Variants in UQCC1 observed in about 807,000 individuals in gnomAD.
The protein encoded by UQCC1 is bFGF-repressed Zic-binding protein.
UQCC1 carries 38 observed loss-of-function variants against 48.0 expected under a neutral mutation model. The observed-to-expected ratio is 0.79, with a 90% CI of 0.61 to 1.04. UQCC1 has a LOEUF of 1.04. Ranked by LOEUF, UQCC1 falls within the 50% of genes least tolerant of loss-of-function variation. The pLI is 0.00. For synonymous variants in UQCC1, 111 were observed against 129.2 expected, an observed-to-expected ratio of 0.86 and a Z score of 0.95; for missense variants, 368 against 381.8, an observed-to-expected ratio of 0.96 and a Z score of 0.30.
intron 7 of UQCC1, among the ~76,000 whole-genome samples, chr20:35,337,191 CTT>C (rs762321477): frequency 1.5e-4 from 21 of 143,090 alleles, no homozygotes; most frequent in Non-Finnish European, 1.2e-4. Context: ...AGCTAGCATT[CTT>C]TTTTTTTTTT....
intron 1 of UQCC1, among the ~76,000 whole-genome samples, chr20:35,396,237 G>A (rs942853554): frequency 6.7e-6 from 1 of 149,922 alleles, no homozygotes; most frequent in Admixed American, 6.7e-5. Flanking sequence ...TACCTACCTC[G>A]GACTCCCAAA....
chr20:35,317,508 AC>A (rs1184477375), intron 7 of UQCC1, among the ~76,000 whole-genome samples: 1 of 152,174 alleles, frequency 6.6e-6, no homozygotes, highest in Admixed American at 6.5e-5. Flanking sequence ...GCAAACCATG[AC>A]CTATCCCACA....
At chr20:35,384,917 A>G (rs990382261) in intron 2 of UQCC1, among the ~76,000 whole-genome samples, 1 of 149,280 alleles carries the variant, frequency 6.7e-6, no homozygotes, top group Non-Finnish European at 1.5e-5. Flanking sequence ...CAGTGAACCA[A>G]TATCATGCCA....
chr20:35,376,105 C>T (rs2061796079), intron 4 of UQCC1, among the ~76,000 whole-genome samples: 1 of 151,920 alleles, frequency 6.6e-6, no homozygotes, highest in East Asian at 1.9e-4. Context: ...GTCAGGATTT[C>T]GAGACCAGCC....
intron 2 of UQCC1, among the ~76,000 whole-genome samples, chr20:35,390,023 A>G (rs1354044356): frequency 6.6e-6 from 1 of 152,250 alleles, no homozygotes; most frequent in Non-Finnish European, 1.5e-5. Context: ...GTGCTACAAC[A>G]TAGATGAACC....
intron 6 of UQCC1, among the ~76,000 whole-genome samples, chr20:35,363,478 T>C (rs2061631220): frequency 6.6e-6 from 1 of 152,312 alleles, no homozygotes; most frequent in East Asian, 1.9e-4. Context: ...CTCTAGGAGC[T>C]GGAGGGTGTC....
intron 6 of UQCC1, among the ~76,000 whole-genome samples, chr20:35,355,887 T>C (rs2061541628): frequency 1.3e-5 from 2 of 150,242 alleles, no homozygotes. Flanking sequence ...ATACTATCTT[T>C]TTTTTTTTTT....
At chr20:35,380,700 T>G (rs939535685) in intron 4 of UQCC1, among the ~76,000 whole-genome samples, 3 of 152,214 alleles carry the variant, frequency 2.0e-5, no homozygotes, top group African/African-American at 7.2e-5. Context: ...TATGACTGAT[T>G]AGGCTTACCC....
At chr20:35,357,190 G>A (rs1034761643) in intron 6 of UQCC1, among the ~76,000 whole-genome samples, 31 of 152,194 alleles carry the variant, frequency 2.0e-4, no homozygotes, top group African/African-American at 7.5e-4. Context: ...TTCGAGACCA[G>A]CCTGGACAAC....
intron 7 of UQCC1, among the ~76,000 whole-genome samples, chr20:35,324,471 T>G (rs1199999427): frequency 1.3e-5 from 2 of 152,046 alleles, no homozygotes; most frequent in Non-Finnish European, 2.9e-5. Context: ...GGACTACAGG[T>G]GCCCACCACC....
intron 6 of UQCC1, among the ~76,000 whole-genome samples, chr20:35,357,826 TGA>T (rs1408462789): frequency 6.6e-6 from 1 of 152,192 alleles, no homozygotes; most frequent in Admixed American, 6.6e-5. Context: ...ACAATAACGT[TGA>T]GTCATTAAGT....
At chr20:35,313,240 G>A (rs2061013657) in intron 8 of UQCC1, among the ~76,000 whole-genome samples, 1 of 151,814 alleles carries the variant, frequency 6.6e-6, no homozygotes, top group South Asian at 2.1e-4. Flanking sequence ...GCCGGGTGTG[G>A]TGGCAGGCGC....
At chr20:35,410,738 G>C (rs1316594687) in intron 1 of UQCC1, among the ~76,000 whole-genome samples, 12 of 33,444 alleles carry the variant, frequency 3.6e-4, no homozygotes, top group African/African-American at 1.3e-3. Flanking sequence ...AACCCTAAAG[G>C]GTGGCAGGGG....
At chr20:35,386,434 T>A (rs760056700) in intron 2 of UQCC1, 1 of 438,732 alleles carries the variant, frequency 2.3e-6, no homozygotes, top group South Asian at 1.6e-5. Flanking sequence ...ATGTTACTAT[T>A]TACTTTTCTT....
chr20:35,394,969 C>T (rs1282302756), intron 1 of UQCC1, among the ~76,000 whole-genome samples: 1 of 152,180 alleles, frequency 6.6e-6, no homozygotes, highest in East Asian at 1.9e-4. Context: ...CGGGGAGGCA[C>T]TTCACTTACT....
At chr20:35,377,284 A>G (rs943432744) in intron 4 of UQCC1, among the ~76,000 whole-genome samples, 4 of 152,366 alleles carry the variant, frequency 2.6e-5, no homozygotes, top group South Asian at 4.1e-4. Flanking sequence ...CAAATCAATC[A>G]GTTTCACCAT....
intron 7 of UQCC1, among the ~76,000 whole-genome samples, chr20:35,322,371 G>T (rs1464060397): frequency 2.0e-5 from 3 of 152,018 alleles, no homozygotes; most frequent in Admixed American, 1.3e-4. Context: ...CCACAACCCT[G>T]CCCTCGAGGA....
chr20:35,396,284 C>CT (rs34830667), intron 1 of UQCC1, among the ~76,000 whole-genome samples: 45,528 of 94,288 alleles, frequency 0.48, 12,725 homozygotes, highest in East Asian at 0.67. Flanking sequence ...TGTGCCTGGC[C>CT]TTTTTTTTTT....
Position 35,384,621 on chromosome 20 carries a change from G to A in UQCC1, c.130-488C>T, listed in dbSNP as rs115141703. 1,191 of 444,700 alleles carry A rather than the reference G, an allele frequency of 2.7e-3. 17 individuals carry two copies. Among genetic ancestry groups the A allele is most frequent in the African/African-American group, 0.023 (1,063 of 47,020 alleles). 27.5% of individuals were successfully genotyped at this position (444,700 alleles called of 1,614,324 possible). On this transcript the variant is annotated intron_variant, in intron 2 of 9. Coordinates refer to ENST00000374385, the MANE Select transcript of UQCC1 (RefSeq NM_018244.5). ...CACACCACTGCACTTCAACCTGGGC[G>A]ACTCAGCAAGAGCAAGACCCTGTCT...
Sources: allele counts gnomAD v4.1 joint callset (sites outside exome capture counted in the v4.1 genomes callset), GRCh38; gene constraint gnomAD v4.1.1; transcripts MANE v1.5; gene names NCBI Gene and HGNC (gene_info 2026-07-23, HGNC 2026-07-21).